RWDD3: variants seen among roughly 807,000 people sequenced by gnomAD.
The protein encoded by RWDD3 is RWD domain containing 3, also known as RWD domain-containing protein 3.
RWDD3 carries 30 observed loss-of-function variants against 26.5 expected under a neutral mutation model. The observed-to-expected ratio is 1.13, with a 90% CI of 0.85 to 1.54. RWDD3 has a LOEUF of 1.54. Ranked by LOEUF, RWDD3 falls within the 40% of genes most tolerant of loss-of-function variation. The probability of loss-of-function intolerance (pLI) is 0.00; values close to 1 mark genes in which losing one functional copy is unlikely to be tolerated. For missense variants in RWDD3, 296 were observed against 309.1 expected, an observed-to-expected ratio of 0.96 and a Z score of 0.32; for synonymous variants, 113 against 114.5, an observed-to-expected ratio of 0.99 and a Z score of 0.09.
At chr1:95,244,096 C>T in intron 1 of RWDD3, 115 bp from the exon 2 acceptor site, 1 of 1,468,906 alleles carries the variant, frequency 6.8e-7, no homozygotes, top group Admixed American at 2.2e-5. Flanking sequence ...CATAAAATAG[C>T]TCAGAGTTTT....
At chr1:95,240,633 G>T (rs147246760) in intron 1 of RWDD3, among the ~76,000 whole-genome samples, 4 of 152,090 alleles carry the variant, frequency 2.6e-5, no homozygotes, top group African/African-American at 9.7e-5. Context: ...AAGTCAGAGT[G>T]GTAGGCTGGC....
intron 1 of RWDD3, among the ~76,000 whole-genome samples, chr1:95,238,816 A>G (rs1427959739): frequency 6.6e-6 from 1 of 152,198 alleles, no homozygotes; most frequent in Non-Finnish European, 1.5e-5. Context: ...CCTTAAAAAT[A>G]GCATTAGTGT....
intron 1 of RWDD3, among the ~76,000 whole-genome samples, chr1:95,236,314 G>C (rs987964588): frequency 1.4e-5 from 2 of 143,518 alleles, no homozygotes; most frequent in Non-Finnish European, 3.0e-5. Flanking sequence ...TGGGTAACAA[G>C]AGTGAAACTC....
chr1:95,245,764 C>G (rs1236438661), intron 2 of RWDD3, among the ~76,000 whole-genome samples: 1 of 152,088 alleles, frequency 6.6e-6, no homozygotes, highest in Non-Finnish European at 1.5e-5. Context: ...AATTTTCATG[C>G]TCATCTTTAC....
chr1:95,244,153 GGT>G, intron 1 of RWDD3, 56 bp from the exon 2 acceptor site: 1 of 1,550,634 alleles, frequency 6.4e-7, no homozygotes, highest in Non-Finnish European at 8.7e-7. Flanking sequence ...TGAACTTGCT[GGT>G]GTTCCATTCA....
At chr1:95,241,159 A>T (rs545337947) in intron 1 of RWDD3, among the ~76,000 whole-genome samples, 66 of 149,516 alleles carry the variant, frequency 4.4e-4, no homozygotes, top group African/African-American at 1.3e-3. Context: ...CAAGATGATT[A>T]AAAAAAAAAG....
chr1:95,241,235 A>C (rs1236437276), intron 1 of RWDD3, among the ~76,000 whole-genome samples: 2 of 152,054 alleles, frequency 1.3e-5, no homozygotes, highest in Non-Finnish European at 2.9e-5. Flanking sequence ...TCACTAACAC[A>C]CTTCCATGGA....
chr1:95,245,974 A>G (rs1680837754), intron 2 of RWDD3: 1 of 152,152 alleles, frequency 6.6e-6, no homozygotes, highest in Non-Finnish European at 1.5e-5. Flanking sequence ...GTCATTTTAT[A>G]TAAATTTCTC....
intron 1 of RWDD3, among the ~76,000 whole-genome samples, chr1:95,241,449 G>A (rs902860457): frequency 2.1e-4 from 32 of 152,106 alleles, no homozygotes; most frequent in African/African-American, 5.3e-4. Flanking sequence ...GGAACCCTCC[G>A]GTATTATGAG....
At chr1:95,235,171 C>G (rs12130179) in intron 1 of RWDD3, among the ~76,000 whole-genome samples, 1 of 150,930 alleles carries the variant, frequency 6.6e-6, no homozygotes, top group African/African-American at 2.4e-5. Context: ...CTCAGCCTCC[C>G]GAGTAGCTGG....
intron 1 of RWDD3, among the ~76,000 whole-genome samples, chr1:95,241,615 T>G (rs1267488749): frequency 1.3e-5 from 2 of 152,194 alleles, no homozygotes; most frequent in East Asian, 3.8e-4. Flanking sequence ...ATTAATGCCC[T>G]TTGCTCAGAA....
chr1:95,242,163 G>A (rs1680659834), intron 1 of RWDD3, among the ~76,000 whole-genome samples: 1 of 152,118 alleles, frequency 6.6e-6, no homozygotes, highest in South Asian at 2.1e-4. Flanking sequence ...CCAGATCCCT[G>A]GAGAATTATC....
chr1:95,244,506 T>A lies in RWDD3; in HGVS notation c.381T>A (p.Cys127Ter), dbSNP rs1680768069. ...QPETGSGSEK[C>*]TFSTSTTMDD... ...AAACTGGCAGTGGCAGTGAAAAGTG[T>A]ACTTTTTCAACAAGCACGACCATGG... The change falls in exon 2 of 4, where the codon TGT (cysteine) becomes TGA (stop). Residue 127 changes from cysteine (C) to a stop codon, truncating the protein, a stop_gained. Coordinates refer to ENST00000370202, the MANE Select transcript of RWDD3 (RefSeq NM_015485.5). LOFTEE classifies it high-confidence loss of function. 6.2e-7 allele frequency: 1 copy of A among 1,614,190 alleles called. No individual in the cohort carries two copies. The highest frequency in any genetic ancestry group is 1.3e-5 in the African/African-American group (1 of 75,050).
intron 2 of RWDD3, 158 bp from the exon 3 acceptor site, chr1:95,246,384 C>T (rs1028459434): frequency 1.8e-6 from 1 of 555,276 alleles, no homozygotes. Flanking sequence ...ATTATTCTGC[C>T]AAGTATGTTA....
Position 95,239,693 on chromosome 1 carries a change from C to T in RWDD3, c.86-4518C>T, listed in dbSNP as rs72966576. ...TAAAAGAACTAAGGCAGTTTTCTTC[C>T]GAACATATAACTAGTATGACGGTCA... On this transcript the variant is annotated intron_variant, in intron 1 of 3. Transcript: ENST00000370202. The T allele has an allele frequency of 3.7e-3, 4,207 of 1,129,598 alleles. 97 individuals carry two copies. In the African/African-American group the frequency reaches 0.059, roughly 16 times the overall value. The allele number at this position is 1,129,598 out of a possible 1,614,324, so 70.0% of individuals were successfully genotyped here. A position where few individuals can be genotyped will look rare whatever the true frequency, so the allele number is the denominator to read the frequency against.
chr1:95,234,430 C>T (rs1328146924), intron 1 of RWDD3, 115 bp downstream of exon 1: 3 of 949,012 alleles, frequency 3.2e-6, no homozygotes, highest in East Asian at 2.7e-5. Flanking sequence ...GTATGGGGAC[C>T]GGGTTAGTTG....
Position 95,234,308 on chromosome 1 carries a change from C to A in RWDD3, c.78C>A (p.Ser26Arg), listed in dbSNP as rs369096502. 3 of 1,593,194 alleles carry A rather than the reference C, an allele frequency of 1.9e-6. No individual in the cohort carries two copies. Among genetic ancestry groups the A allele is most frequent in the Middle Eastern group, 1.7e-4 (1 of 6,006 alleles). ...GGCCCCACGAGTGGGAGGTGCTGAG[C>A]CGCTCAGGTGACTACCCGCGCGCGG... is the stretch of plus-strand genomic sequence containing the variant. ...FCRPHEWEVL[S>R]RSETDGTVFR... Residue 26 changes from serine (S) to arginine (R), a missense_variant, in exon 1 of 4, where the codon AGC becomes AGA. Physicochemically the swap from Ser to Arg is moderately radical, Grantham distance 110. Transcript: ENST00000370202.
intron 2 of RWDD3, 62 bp downstream of exon 2, chr1:95,244,760 T>C: frequency 6.5e-7 from 1 of 1,533,568 alleles, no homozygotes; most frequent in Non-Finnish European, 8.8e-7. Context: ...TGGTGTGTCT[T>C]TAAGTGTGTT....
Position 95,234,923 on chromosome 1 carries a change from T to C in RWDD3, c.85+608T>C, listed in dbSNP as rs1680235959. Among the ~76,000 whole-genome samples, 3 of 152,140 alleles carry C rather than the reference T, an allele frequency of 2.0e-5. No homozygotes were observed. The South Asian group carries it at 6.2e-4, about 32-fold the overall frequency. ...TACTTTTTTTTTTTTAGGTGGAGTC[T>C]CTCTTGTTGCCCTGGCTGGAGTGCA... On this transcript the variant is annotated intron_variant, in intron 1 of 3. Coordinates refer to ENST00000370202, the MANE Select transcript of RWDD3 (RefSeq NM_015485.5).
Sources: allele counts gnomAD v4.1 joint callset (sites outside exome capture counted in the v4.1 genomes callset), GRCh38; gene constraint gnomAD v4.1.1; transcripts MANE v1.5; gene names NCBI Gene and HGNC (gene_info 2026-07-23, HGNC 2026-07-21).